Variants in SKAP1 observed in about 807,000 individuals in gnomAD.
SKAP1 encodes src kinase associated phosphoprotein 1.
In SKAP1, 44 loss-of-function variants were observed where a neutral mutation model predicts 58.5. That is an observed-to-expected ratio of 0.75 (90% CI 0.59 to 0.97). The LOEUF (loss-of-function observed/expected upper bound fraction) is 0.97, where lower values mean the gene tolerates loss of function less well. Ranked by LOEUF, SKAP1 falls within the 50% of genes least tolerant of loss-of-function variation. The pLI is 0.00. For synonymous variants in SKAP1, 127 were observed against 149.7 expected, an observed-to-expected ratio of 0.85 and a Z score of 1.11; for missense variants, 390 against 435.2, an observed-to-expected ratio of 0.90 and a Z score of 0.92.
At chr17:48,400,040 C>A (rs961230884) in intron 1 of SKAP1, among the ~76,000 whole-genome samples, 2 of 151,750 alleles carry the variant, frequency 1.3e-5, no homozygotes, top group African/African-American at 4.8e-5. Context: ...TAAAAGAGTT[C>A]AGCAACTTTG....
At chr17:48,153,134 A>T (rs2063924036) in intron 11 of SKAP1, among the ~76,000 whole-genome samples, 1 of 152,196 alleles carries the variant, frequency 6.6e-6, no homozygotes, top group South Asian at 2.1e-4. Flanking sequence ...TTATAGATAG[A>T]TAGAATAAAA....
intron 1 of SKAP1, among the ~76,000 whole-genome samples, chr17:48,402,440 G>A (rs559782063): frequency 2.8e-4 from 42 of 151,464 alleles, no homozygotes; most frequent in Middle Eastern, 3.4e-3. Context: ...AGTGATTCTC[G>A]TGCCTCAGCC....
intron 9 of SKAP1, among the ~76,000 whole-genome samples, chr17:48,171,465 C>A (rs907949626): frequency 9.2e-5 from 14 of 152,116 alleles, no homozygotes; most frequent in Non-Finnish European, 2.9e-5. Context: ...CTCTCCTTCC[C>A]TTCCCTTTCA....
chr17:48,263,111 A>G (rs924403444), intron 4 of SKAP1, among the ~76,000 whole-genome samples: 1 of 152,204 alleles, frequency 6.6e-6, no homozygotes, highest in East Asian at 1.9e-4. Context: ...GTACCTACTT[A>G]AAAACATTTA....
At chr17:48,160,568 A>G (rs983501874) in intron 11 of SKAP1, among the ~76,000 whole-genome samples, 7 of 151,882 alleles carry the variant, frequency 4.6e-5, no homozygotes, top group African/African-American at 1.7e-4. Flanking sequence ...ACAGCTCCAT[A>G]CTGCAGGACA....
intron 2 of SKAP1, among the ~76,000 whole-genome samples, chr17:48,366,189 T>A (rs1303829360): frequency 6.6e-6 from 1 of 152,136 alleles, no homozygotes; most frequent in Non-Finnish European, 1.5e-5. Flanking sequence ...TTCTTTAGTG[T>A]GTGACAAATT....
At chr17:48,160,910 G>A (rs1356368801) in intron 11 of SKAP1, among the ~76,000 whole-genome samples, 2 of 152,194 alleles carry the variant, frequency 1.3e-5, no homozygotes, top group Non-Finnish European at 2.9e-5. Flanking sequence ...TCAGGCCAAT[G>A]TCCACTCCCT....
intron 4 of SKAP1, among the ~76,000 whole-genome samples, chr17:48,297,690 C>G (rs892876497): frequency 4.6e-5 from 7 of 152,082 alleles, no homozygotes; most frequent in African/African-American, 1.7e-4. Flanking sequence ...CAAGCCAATG[C>G]CTTGAGCTGC....
intron 7 of SKAP1, among the ~76,000 whole-genome samples, chr17:48,183,769 A>C (rs1023916443): frequency 7.2e-5 from 11 of 152,106 alleles, no homozygotes; most frequent in African/African-American, 2.7e-4. Context: ...AAATTTCAAA[A>C]AATTTCTGGA....
chr17:48,141,048 A>C (rs1443492736), intron 11 of SKAP1, among the ~76,000 whole-genome samples: 1 of 151,888 alleles, frequency 6.6e-6, no homozygotes, highest in Non-Finnish European at 1.5e-5. Context: ...CGGCCTCCCA[A>C]AGTACTGGGA....
chr17:48,246,165 C>T (rs180825162), intron 4 of SKAP1, among the ~76,000 whole-genome samples: 37 of 152,162 alleles, frequency 2.4e-4, no homozygotes, highest in African/African-American at 6.7e-4. Context: ...TTTCATTATC[C>T]GTACTGTATC....
intron 1 of SKAP1, among the ~76,000 whole-genome samples, chr17:48,423,337 T>C (rs2067817860): frequency 6.6e-6 from 1 of 151,942 alleles, no homozygotes; most frequent in Non-Finnish European, 1.5e-5. Context: ...TGAGGGGAGG[T>C]TGAAGGAAGG....
intron 2 of SKAP1, among the ~76,000 whole-genome samples, chr17:48,387,981 A>G (rs1017807973): frequency 6.6e-6 from 1 of 152,210 alleles, no homozygotes; most frequent in Non-Finnish European, 1.5e-5. Context: ...ATTATCCCCT[A>G]GTTCAGTATT....
intron 4 of SKAP1, among the ~76,000 whole-genome samples, chr17:48,318,413 T>A (rs1265186943): frequency 6.6e-6 from 1 of 152,194 alleles, no homozygotes; most frequent in Non-Finnish European, 1.5e-5. Context: ...TATAATTACA[T>A]CAAGACTGAT....
intron 2 of SKAP1, among the ~76,000 whole-genome samples, chr17:48,378,736 A>G (rs769536256): frequency 1.3e-5 from 2 of 152,148 alleles, no homozygotes; most frequent in Non-Finnish European, 2.9e-5. Flanking sequence ...AGTAGCACCT[A>G]TAATACTGTA....
At chr17:48,353,851 T>A (rs191701855) in intron 3 of SKAP1, among the ~76,000 whole-genome samples, 108 of 143,454 alleles carry the variant, frequency 7.5e-4, no homozygotes, top group Middle Eastern at 3.6e-3. Flanking sequence ...TGAGCCGAGA[T>A]CGCGCCATTG....
intron 11 of SKAP1, among the ~76,000 whole-genome samples, chr17:48,154,563 G>A (rs2063947061): frequency 6.6e-6 from 1 of 152,084 alleles, no homozygotes; most frequent in South Asian, 2.1e-4. Context: ...AATTTATGAG[G>A]CACACAACCC....
At chr17:48,285,892 T>C (rs1428259070) in intron 4 of SKAP1, among the ~76,000 whole-genome samples, 2 of 152,212 alleles carry the variant, frequency 1.3e-5, no homozygotes, top group Non-Finnish European at 2.9e-5. Context: ...TTTAGGAAAG[T>C]TACTTAACCT....
At chr17:48,293,510 T>C (rs1003304825) in intron 4 of SKAP1, among the ~76,000 whole-genome samples, 1 of 152,222 alleles carries the variant, frequency 6.6e-6, no homozygotes, top group Non-Finnish European at 1.5e-5. Context: ...ACTTAAGATA[T>C]TCCTTGGATA....
Sources: allele counts gnomAD v4.1 joint callset (sites outside exome capture counted in the v4.1 genomes callset), GRCh38; gene constraint gnomAD v4.1.1; transcripts MANE v1.5; gene names NCBI Gene and HGNC (gene_info 2026-07-23, HGNC 2026-07-21).